The following PIK3CB variants were observed in gnomAD, a reference collection of about 807,000 sequenced individuals.
PIK3CB encodes the protein phosphatidylinositol 4,5-bisphosphate 3-kinase catalytic subunit beta isoform.
Under a neutral mutation model 136.8 loss-of-function variants are expected in PIK3CB, and 39 were observed. That is an observed-to-expected ratio of 0.29 (90% CI 0.22 to 0.37). The LOEUF is 0.37. PIK3CB is among the 10% of genes least tolerant of loss of function. PIK3CB has a pLI of 1.00. For missense variants in PIK3CB, 868 were observed against 1,275.4 expected (o/e 0.68, Z 4.87); for synonymous variants, 428 against 436.6 (o/e 0.98, Z 0.25).
At chr3:138,758,324 T>G (rs1328528155) in intron 3 of PIK3CB, among the ~76,000 whole-genome samples, 1 of 152,202 alleles carries the variant, frequency 6.6e-6, no homozygotes, top group Admixed American at 6.5e-5. Flanking sequence ...TGGATACTGG[T>G]GATGGTTGCA....
rs187669590 is a variant in PIK3CB, at chr3:138,740,083, T to C, written c.622-2197A>G. ...CCAGAATTGTGAGAAACAGGCCAGG[T>C]GCAGTGGCTCACACCTGTAATCCCA... On this transcript the variant is annotated intron_variant, in intron 5 of 23. Transcript: ENST00000674063. Among the ~76,000 whole-genome samples, 756 of 151,506 alleles carry C rather than the reference T, an allele frequency of 5.0e-3. 12 individuals are homozygous for C. Among genetic ancestry groups the C allele is most frequent in the Admixed American group, 0.033 (501 of 15,182 alleles).
At chr3:138,664,899 T>C (rs2043375619) in intron 20 of PIK3CB, 137 bp downstream of exon 20, 2 of 514,892 alleles carry the variant, frequency 3.9e-6, no homozygotes, top group Non-Finnish European at 6.7e-6. Flanking sequence ...ATGTGTCATT[T>C]TGTTCTAACA....
intron 9 of PIK3CB, among the ~76,000 whole-genome samples, chr3:138,712,860 C>A (rs1310110271): frequency 1.3e-5 from 2 of 152,040 alleles, no homozygotes; most frequent in African/African-American, 2.4e-5. Flanking sequence ...AGCCATCACG[C>A]CCAGCCAAAA....
chr3:138,738,720 A>C (rs2045170221), intron 5 of PIK3CB, among the ~76,000 whole-genome samples: 1 of 152,196 alleles, frequency 6.6e-6, no homozygotes, highest in African/African-American at 2.4e-5. Context: ...GAATCCTCTC[A>C]TAATCTAGCA....
chr3:138,657,448 A>G, intron 22 of PIK3CB: 1 of 402,386 alleles, frequency 2.5e-6, no homozygotes, highest in Non-Finnish European at 4.4e-6. Flanking sequence ...AAACAGGTAA[A>G]AGGTAGTATA....
chr3:138,815,543 A>T (rs74916316), intron 1 of PIK3CB, among the ~76,000 whole-genome samples: 3,419 of 152,186 alleles, frequency 0.022, 67 homozygotes, highest in Non-Finnish European at 0.035. Flanking sequence ...AGCAGTCCTG[A>T]AAAAAGAATA....
chr3:138,659,685 G>A (rs2043253712), intron 21 of PIK3CB, among the ~76,000 whole-genome samples: 1 of 152,030 alleles, frequency 6.6e-6, no homozygotes, highest in African/African-American at 2.4e-5. Flanking sequence ...CTCTGCGAAA[G>A]TTTTAAGACT....
intron 19 of PIK3CB, among the ~76,000 whole-genome samples, chr3:138,680,341 G>A (rs981356814): frequency 3.3e-5 from 5 of 151,364 alleles, no homozygotes; most frequent in Non-Finnish European, 7.4e-5. Flanking sequence ...CTGGGTGACA[G>A]AGCGAGACTG....
chr3:138,773,051 G>C (rs1389557868), intron 2 of PIK3CB, among the ~76,000 whole-genome samples: 1 of 151,726 alleles, frequency 6.6e-6, no homozygotes, highest in East Asian at 2.0e-4. Context: ...GCCTCCCAAA[G>C]TGCTGGGATT....
chr3:138,834,671 C>CCGGGTCCCGGCCGCCGCACT (rs1241328773), intron 1 of PIK3CB, 24 bp downstream of exon 1: 2 of 154,600 alleles, frequency 1.3e-5, no homozygotes, highest in Middle Eastern at 3.1e-3. Flanking sequence ...CGCGCCGCAT[C>CCGGGTCCCGGCCGCCGCACT]CGGGTCCCGG....
At chr3:138,780,676 C>CT (rs377660243) in intron 2 of PIK3CB, among the ~76,000 whole-genome samples, 12 of 152,046 alleles carry the variant, frequency 7.9e-5, no homozygotes, top group Admixed American at 3.9e-4. Flanking sequence ...CTTTTTTTCT[C>CT]TGAGACTTTT....
intron 21 of PIK3CB, among the ~76,000 whole-genome samples, chr3:138,663,386 A>G (rs1280269557): frequency 6.6e-6 from 1 of 152,110 alleles, no homozygotes; most frequent in East Asian, 1.9e-4. Context: ...AATTTTTTCA[A>G]TAATTTTTTT....
intron 1 of PIK3CB, among the ~76,000 whole-genome samples, chr3:138,828,437 G>C (rs1297788423): frequency 2.0e-5 from 3 of 151,668 alleles, no homozygotes; most frequent in African/African-American, 7.3e-5. Context: ...CGCCCGTCTC[G>C]GCCTCCCAAA....
intron 4 of PIK3CB, among the ~76,000 whole-genome samples, chr3:138,750,849 A>G (rs1411126033): frequency 6.6e-6 from 1 of 152,308 alleles, no homozygotes; most frequent in East Asian, 1.9e-4. Context: ...CAGTTAATAC[A>G]TTGCAATAAA....
At chr3:138,711,579 CAAAAAAAA>C (rs139989947) in intron 10 of PIK3CB, among the ~76,000 whole-genome samples, 9 of 67,546 alleles carry the variant, frequency 1.3e-4, no homozygotes, top group African/African-American at 3.7e-4. Context: ...AACTCCGTCG[CAAAAAAAA>C]AAAAAAAAAA....
At chr3:138,813,248 A>T (rs540284078) in intron 1 of PIK3CB, among the ~76,000 whole-genome samples, 1 of 152,208 alleles carries the variant, frequency 6.6e-6, no homozygotes, top group African/African-American at 2.4e-5. Flanking sequence ...GCTCTACCCC[A>T]GCATTTCGTA....
chr3:138,709,608 T>A (rs2044453039), intron 10 of PIK3CB, among the ~76,000 whole-genome samples: 1 of 152,238 alleles, frequency 6.6e-6, no homozygotes, highest in African/African-American at 2.4e-5. Flanking sequence ...TGTTTGCCCC[T>A]ACTGGGTTAA....
At chr3:138,689,511 A>C (rs933759870) in intron 15 of PIK3CB, among the ~76,000 whole-genome samples, 5 of 152,066 alleles carry the variant, frequency 3.3e-5, no homozygotes, top group Non-Finnish European at 7.4e-5. Flanking sequence ...AGGCTGGTCT[A>C]AACTCCTGGC....
intron 6 of PIK3CB, among the ~76,000 whole-genome samples, chr3:138,736,056 G>C (rs1025709426): frequency 6.6e-6 from 1 of 152,062 alleles, no homozygotes; most frequent in African/African-American, 2.4e-5. Flanking sequence ...AGAGGATAAT[G>C]CTGGTAAAAT....
Sources: gnomAD v4.1 joint callset for allele counts (sites outside exome capture counted in the v4.1 genomes callset) on GRCh38, gnomAD v4.1.1 for gene constraint, MANE v1.5 for transcripts, NCBI Gene and HGNC (gene_info 2026-07-23, HGNC 2026-07-21) for gene names.